Variants in FREM2 observed in about 807,000 individuals in gnomAD.
FREM2 encodes the protein FRAS1 related extracellular matrix 2.
In FREM2, 119 loss-of-function variants were observed where a neutral mutation model predicts 219.9. That is an observed-to-expected ratio of 0.54 (90% CI 0.47 to 0.63). The LOEUF (loss-of-function observed/expected upper bound fraction) is 0.63, where lower values mean the gene tolerates loss of function less well. Ranked by LOEUF, FREM2 falls within the 30% of genes least tolerant of loss-of-function variation. FREM2 has a pLI of 0.00. For synonymous variants in FREM2, 1,562 were observed against 1,522.8 expected (o/e 1.03, Z -0.60); for missense variants, 4,030 against 3,993.6 (o/e 1.01, Z -0.25).
chr13:38,805,043 A>C (rs547988720), intron 6 of FREM2, among the ~76,000 whole-genome samples: 1 of 152,210 alleles, frequency 6.6e-6, no homozygotes, highest in South Asian at 2.1e-4. Context: ...TGAGTAACAA[A>C]TAATATGATC....
chr13:38,810,230 T>A (rs1253598127), intron 6 of FREM2, among the ~76,000 whole-genome samples: 1 of 91,298 alleles, frequency 1.1e-5, no homozygotes, highest in East Asian at 5.1e-4. Flanking sequence ...TTTTTAGGTT[T>A]TTTTTCTGAA....
chr13:38,851,948 G>A, intron 11 of FREM2, 80 bp downstream of exon 11: 1 of 1,288,100 alleles, frequency 7.8e-7, no homozygotes, highest in Non-Finnish European at 1.1e-6. Flanking sequence ...AGGAAAAGAA[G>A]GGAAACATCC....
At chr13:38,875,578 G>A (rs944416351) in intron 18 of FREM2, among the ~76,000 whole-genome samples, 1 of 152,176 alleles carries the variant, frequency 6.6e-6, no homozygotes, top group Non-Finnish European at 1.5e-5. Flanking sequence ...ACTAAAATCA[G>A]ACTCCATTCA....
At chr13:38,711,392 A>G (rs548835138) in intron 2 of FREM2, among the ~76,000 whole-genome samples, 1 of 152,238 alleles carries the variant, frequency 6.6e-6, no homozygotes, top group South Asian at 2.1e-4. Flanking sequence ...AAAATAAGTG[A>G]TGTTACTAAA....
At chr13:38,790,232 C>T (rs970070281) in intron 6 of FREM2, among the ~76,000 whole-genome samples, 2 of 152,168 alleles carry the variant, frequency 1.3e-5, no homozygotes, top group Non-Finnish European at 2.9e-5. Flanking sequence ...TCACACATCT[C>T]CTCTGGTATC....
intron 3 of FREM2, among the ~76,000 whole-genome samples, chr13:38,768,805 G>T (rs1359213264): frequency 6.6e-6 from 1 of 152,076 alleles, no homozygotes; most frequent in Admixed American, 6.6e-5. Context: ...TGAGTACCTG[G>T]CATGGTAATA....
intron 2 of FREM2, among the ~76,000 whole-genome samples, chr13:38,754,883 G>T (rs150875771): frequency 2.5e-4 from 21 of 83,980 alleles, no homozygotes; most frequent in African/African-American, 8.0e-4. Context: ...TGATGATGAT[G>T]ATGATGATGA....
In FREM2 at chr13:38,690,221, T is replaced by C. The variant is rs1869762434; in HGVS notation, c.2877T>C (p.Asn959=). ...AGTCCTATCTAGATGTCTTAGAAAATGGGGCTACTGAAATCACTGCCAATG... is the reference window on the plus strand; with the variant it reads ...AGTCCTATCTAGATGTCTTAGAAAACGGGGCTACTGAAATCACTGCCAATG... The part of the protein sequence containing the change: ...TLESYLDVLE[N]GATEITANVI... The change falls in exon 1 of 24, where the codon AAT becomes AAC. Residue 959 remains asparagine (N), a synonymous_variant. Coordinates refer to ENST00000280481, the MANE Select transcript of FREM2 (RefSeq NM_207361.6). 4 of 1,614,082 alleles carry C rather than the reference T, an allele frequency of 2.5e-6. No individual in the cohort carries two copies. Among genetic ancestry groups the C allele is most frequent in the Non-Finnish European group, 3.4e-6 (4 of 1,180,014 alleles).
chr13:38,709,414 ATAT>A (rs1282220900), intron 2 of FREM2, among the ~76,000 whole-genome samples: 19 of 152,286 alleles, frequency 1.2e-4, no homozygotes, highest in Admixed American at 3.3e-4. Context: ...CAATTGTAAA[ATAT>A]TATATATGTA....
At chr13:38,878,084 G>T in intron 21 of FREM2, 50 bp from the exon 22 acceptor site, 1 of 1,452,520 alleles carries the variant, frequency 6.9e-7, no homozygotes, top group Non-Finnish European at 9.7e-7. Context: ...GTGTCACGTT[G>T]ATATACCTTA....
intron 6 of FREM2, among the ~76,000 whole-genome samples, chr13:38,834,079 T>G (rs1010616492): frequency 1.3e-5 from 2 of 152,172 alleles, no homozygotes; most frequent in South Asian, 4.1e-4. Flanking sequence ...GCTAGTTTGT[T>G]ACATAGGTAT....
intron 3 of FREM2, among the ~76,000 whole-genome samples, chr13:38,765,763 C>A (rs572160554): frequency 6.6e-6 from 1 of 152,236 alleles, no homozygotes; most frequent in East Asian, 1.9e-4. Flanking sequence ...ACGACACTTT[C>A]CCTGTCTTTG....
intron 6 of FREM2, among the ~76,000 whole-genome samples, chr13:38,806,493 G>A (rs78250116): frequency 0.039 from 5,941 of 151,810 alleles, 369 homozygotes; most frequent in African/African-American, 0.13. Context: ...CATTTTCCCC[G>A]GCATGTAAAA....
intron 4 of FREM2, among the ~76,000 whole-genome samples, chr13:38,781,351 C>T (rs906912692): frequency 6.6e-5 from 10 of 151,106 alleles, no homozygotes; most frequent in Non-Finnish European, 1.2e-4. Context: ...CTTTTTTTTT[C>T]GACTTTCCTG....
intron 3 of FREM2, 87 bp from the exon 4 acceptor site, chr13:38,769,490 TA>T: frequency 8.2e-7 from 1 of 1,217,088 alleles, no homozygotes; most frequent in Non-Finnish European, 1.2e-6. Flanking sequence ...CTTTTCAGGA[TA>T]AAATGACATG....
intron 6 of FREM2, among the ~76,000 whole-genome samples, chr13:38,837,785 G>GTTTTTTTTTTTTTTTTTTT (rs1333688816): frequency 7.2e-6 from 1 of 137,994 alleles, no homozygotes; most frequent in African/African-American, 2.6e-5. Context: ...GTTTTGTTTT[G>GTTTTTTTTTTTTTTTTTTT]TTTTGTTTTT....
At position 38,769,627 on chromosome 13, in the gene FREM2, C is replaced by G; in HGVS notation, c.5460C>G (p.Gly1820=). ...CAGAAAAAGACAAAGACTTCAAGGG[C>G]AAAGCACAGAAACAAGTGCAGTTCA... ...RTAEKDKDFK[G]KAQKQVQFNP... The change falls in exon 4 of 24, where the codon GGC becomes GGG. Residue 1820 remains glycine, a synonymous_variant. Coordinates refer to ENST00000280481, the MANE Select transcript of FREM2 (RefSeq NM_207361.6). The G allele has an allele frequency of 6.2e-7, 1 of 1,614,150 alleles. No homozygotes were observed. The highest frequency in any genetic ancestry group is 8.5e-7 in the Non-Finnish European group (1 of 1,179,998).
intron 6 of FREM2, among the ~76,000 whole-genome samples, chr13:38,785,808 A>G (rs1874304676): frequency 6.6e-6 from 1 of 152,182 alleles, no homozygotes; most frequent in Non-Finnish European, 1.5e-5. Flanking sequence ...TGAATTGTCT[A>G]TATACAAATT....
intron 2 of FREM2, among the ~76,000 whole-genome samples, chr13:38,734,658 A>T (rs1385647307): frequency 6.6e-6 from 1 of 152,042 alleles, no homozygotes; most frequent in East Asian, 1.9e-4. Flanking sequence ...CAATCCTATG[A>T]CATATTAAAT....
Sources: gnomAD v4.1 joint callset for allele counts (sites outside exome capture counted in the v4.1 genomes callset) on GRCh38, gnomAD v4.1.1 for gene constraint, MANE v1.5 for transcripts, NCBI Gene and HGNC (gene_info 2026-07-23, HGNC 2026-07-21) for gene names.